The following CEP68 variants were observed in gnomAD, a reference collection of about 807,000 sequenced individuals.
CEP68 encodes the protein centrosomal protein 68, also known as centrosomal protein of 68 kDa.
In CEP68, 26 loss-of-function variants were observed where a neutral mutation model predicts 55.3. The observed-to-expected ratio is 0.47, with a 90% CI of 0.34 to 0.65. The LOEUF (loss-of-function observed/expected upper bound fraction) is 0.65, where lower values mean the gene tolerates loss of function less well. CEP68 is among the 30% of genes least tolerant of loss of function. The pLI is 0.01. For missense variants in CEP68, 957 were observed against 946.7 expected, an observed-to-expected ratio of 1.01 and a Z score of -0.14; for synonymous variants, 402 against 383.2, an observed-to-expected ratio of 1.05 and a Z score of -0.57.
rs182894306 is a variant in CEP68 at position 65,080,576 on chromosome 2, T to C, written c.2105-1960T>C. ...GCTCACGCCTGTAATCTCAACACTT[T>C]GGGAGGCCAAGCGGGCAGATCACCT... On this transcript the variant is annotated intron_variant, in intron 5 of 6. Coordinates refer to ENST00000377990, the MANE Select transcript of CEP68 (RefSeq NM_015147.3). 1,314 of 980,690 alleles carry C rather than the reference T, an allele frequency of 1.3e-3. 4 individuals are homozygous for C. The Middle Eastern group carries it at 0.03, about 23-fold the overall frequency. The allele number at this position is 980,690 out of a possible 1,614,324, so 60.7% of individuals were successfully genotyped here. A position where few individuals can be genotyped will look rare whatever the true frequency, so the allele number is the denominator to read the frequency against.
Position 65,059,362 on chromosome 2 carries a change from C to T in CEP68, c.-47+2834C>T, listed in dbSNP as rs1675804092. On this transcript the variant is annotated intron_variant, in intron 1 of 6. Coordinates refer to ENST00000377990, the MANE Select transcript of CEP68 (RefSeq NM_015147.3). ...AAGCTCCCTTGGCATATTGGTTTCT[C>T]TTAAATTATTTCCAGTTTCCAAAAC... 2.0e-5 allele frequency among the ~76,000 whole-genome samples: 3 copies of T among 152,142 alleles called. 1 individual carries two copies. In the South Asian group the frequency reaches 6.2e-4, roughly 31 times the overall value.
intron 1 of CEP68, among the ~76,000 whole-genome samples, chr2:65,059,786 C>T (rs1675822234): frequency 6.6e-6 from 1 of 152,138 alleles, no homozygotes; most frequent in African/African-American, 2.4e-5. Flanking sequence ...GTTCTCATTC[C>T]AAGGTTCTGG....
chr2:65,066,745 A>AATATATATAT (rs1553384179), intron 1 of CEP68, among the ~76,000 whole-genome samples: 18 of 58,408 alleles, frequency 3.1e-4, no homozygotes, highest in African/African-American at 7.9e-4. Flanking sequence ...AAAAAAAAAA[A>AATATATATAT]ATATATATAT....
intron 4 of CEP68, among the ~76,000 whole-genome samples, chr2:65,076,570 T>C (rs1676764891): frequency 6.6e-6 from 1 of 152,316 alleles, no homozygotes; most frequent in East Asian, 1.9e-4. Flanking sequence ...TAAGACCTAG[T>C]ATAAGCGAGC....
chr2:65,063,708 C>G (rs2241161), intron 1 of CEP68, among the ~76,000 whole-genome samples: 1 of 151,942 alleles, frequency 6.6e-6, no homozygotes, highest in Non-Finnish European at 1.5e-5. Context: ...TGGCCACCGG[C>G]CAGATGCAGA....
At chr2:65,060,996 G>T (rs942369688) in intron 1 of CEP68, among the ~76,000 whole-genome samples, 1 of 152,172 alleles carries the variant, frequency 6.6e-6, no homozygotes, top group African/African-American at 2.4e-5. Flanking sequence ...GGCCAACATG[G>T]TGAAACCCTG....
Position 65,073,012 on chromosome 2 carries a change from T to C in CEP68, c.1884+32T>C, listed in dbSNP as rs371287431. ...ACACTCAACGTTAGGAAGCTTTGTG[T>C]ACAGGTGTCTTGTCTCTTCCCCCAA... is the stretch of plus-strand genomic sequence containing the variant. On this transcript the variant is annotated intron_variant, in intron 3 of 6. Coordinates refer to ENST00000377990, the MANE Select transcript of CEP68 (RefSeq NM_015147.3). 5.0e-5 allele frequency: 81 copies of C among 1,609,522 alleles called. No homozygotes were observed. In the Middle Eastern group the frequency reaches 6.6e-4, roughly 13 times the overall value.
intron 5 of CEP68, among the ~76,000 whole-genome samples, chr2:65,081,307 T>A (rs1170135624): frequency 2.6e-5 from 4 of 151,972 alleles, no homozygotes; most frequent in South Asian, 2.1e-4. Context: ...TCTGCCACAC[T>A]CTGCCAACTC....
chr2:65,084,171 G>T lies in CEP68; in HGVS notation c.*537G>T, dbSNP rs1668954453. 6.6e-6 allele frequency: 1 copy of T among 152,162 alleles called. No individual in the cohort carries two copies. Among genetic ancestry groups the T allele is most frequent in the African/African-American group, 2.4e-5 (1 of 41,428 alleles). The allele number at this position is 152,162 out of a possible 1,614,324, so 9.4% of individuals were successfully genotyped here. A position where few individuals can be genotyped will look rare whatever the true frequency, so the allele number is the denominator to read the frequency against. On this transcript the variant is annotated 3_prime_UTR_variant, in exon 7 of 7. Coordinates refer to ENST00000377990, the MANE Select transcript of CEP68 (RefSeq NM_015147.3). ...AACCCTTTGTCTGCAAAAGAAAAAG[G>T]GTTAAATGAAGCATCTATACAGATG...
intron 3 of CEP68, 120 bp from the exon 4 acceptor site, chr2:65,074,162 G>C (rs766735151): frequency 8.9e-5 from 108 of 1,211,528 alleles, no homozygotes; most frequent in Non-Finnish European, 1.1e-4. Context: ...GAGCAAGGAG[G>C]AGAGAGGAAA....
At chr2:65,073,350 A>C in intron 3 of CEP68, 1 of 335,196 alleles carries the variant, frequency 3.0e-6, no homozygotes, top group South Asian at 2.5e-5. Flanking sequence ...GCCTTTAGGA[A>C]ACACTGGGCT....
Position 65,069,551 on chromosome 2 carries a change from C to T in CEP68, c.107C>T (p.Pro36Leu), listed in dbSNP as rs1676356732. The part of the protein sequence containing the change: ...CRERELDIPG[P>L]MSGEQPPRLE... ...GAGCGGGAGCTGGACATCCCAGGGCCCATGAGTGGGGAGCAGCCCCCACGC... is the reference window on the plus strand; with the variant it reads ...GAGCGGGAGCTGGACATCCCAGGGCTCATGAGTGGGGAGCAGCCCCCACGC... Residue 36 changes from proline (P) to leucine (L), a missense_variant, in exon 2 of 7, where the codon CCC (proline) becomes CTC (leucine). Physicochemically the swap from Pro to Leu is moderately conservative, Grantham distance 98. Coordinates refer to ENST00000377990, the MANE Select transcript of CEP68 (RefSeq NM_015147.3). 1 of 1,610,262 alleles carries T rather than the reference C, an allele frequency of 6.2e-7. No homozygotes were observed. Among genetic ancestry groups the T allele is most frequent in the Non-Finnish European group, 8.5e-7 (1 of 1,177,652 alleles).
chr2:65,074,461 C>T (rs1033896964), intron 4 of CEP68, 57 bp downstream of exon 4: 7 of 1,611,634 alleles, frequency 4.3e-6, no homozygotes, highest in Middle Eastern at 1.7e-4. Context: ...CTAAATTACT[C>T]GATTACAAAG....
chr2:65,081,458 C>T (rs992300552), intron 5 of CEP68, among the ~76,000 whole-genome samples: 1 of 151,962 alleles, frequency 6.6e-6, no homozygotes, highest in Non-Finnish European at 1.5e-5. Flanking sequence ...CTTTCCCTTC[C>T]TCTACTGACA....
At chr2:65,070,023 C>G (rs1676386232) in intron 2 of CEP68, among the ~76,000 whole-genome samples, 1 of 152,182 alleles carries the variant, frequency 6.6e-6, no homozygotes, top group Non-Finnish European at 1.5e-5. Flanking sequence ...TCAAGAGTGA[C>G]TGGTGACTTT....
Position 65,071,678 on chromosome 2 carries a change from C to T in CEP68, c.582C>T (p.Ser194=), listed in dbSNP as rs1676468982. 6.2e-7 allele frequency: 1 copy of T among 1,614,192 alleles called. No homozygotes were observed. Among genetic ancestry groups the T allele is most frequent in the Non-Finnish European group, 8.5e-7 (1 of 1,180,030 alleles). Residue 194 remains serine, a synonymous_variant, in exon 3 of 7, where the codon TCC becomes TCT. Coordinates refer to ENST00000377990, the MANE Select transcript of CEP68 (RefSeq NM_015147.3). The stretch of plus-strand genomic sequence containing the variant: ...GCCCAGGTTCCGCAGCTCAGCCTTC[C>T]AGCTGCAGCATCTCTGCTTCCTCCA... ...VLSPGSAAQP[S]SCSISASSTG... is the part of the protein sequence containing the mutation.
chr2:65,056,753 G>A (rs1387284835), intron 1 of CEP68, among the ~76,000 whole-genome samples: 1 of 152,106 alleles, frequency 6.6e-6, no homozygotes, highest in Non-Finnish European at 1.5e-5. Context: ...CATCTTGCGA[G>A]CGGAACGGCG....
At chr2:65,080,569 A>C (rs1676963722) in intron 5 of CEP68, 1,441 of 959,280 alleles carry the variant, frequency 1.5e-3, no homozygotes, top group Middle Eastern at 3.2e-3. Flanking sequence ...CTGTAATCTC[A>C]ACACTTTGGG....
chr2:65,064,733 CA>C (rs766499382), intron 1 of CEP68, among the ~76,000 whole-genome samples: 196 of 94,662 alleles, frequency 2.1e-3, no homozygotes, highest in East Asian at 6.2e-3. Flanking sequence ...GACTCCGTCT[CA>C]AAAAAAAAAA....
Sources: gnomAD v4.1 joint callset for allele counts (sites outside exome capture counted in the v4.1 genomes callset) on GRCh38, gnomAD v4.1.1 for gene constraint, MANE v1.5 for transcripts, NCBI Gene and HGNC (gene_info 2026-07-23, HGNC 2026-07-21) for gene names.